Variants in C4orf51 observed in about 807,000 individuals in gnomAD.
C4orf51 encodes the protein uncharacterized protein C4orf51.
Under a neutral mutation model 25.2 loss-of-function variants are expected in C4orf51, and 25 were observed. The ratio of observed to expected loss-of-function variants is 0.99; its 90% CI spans 0.72 to 1.39. C4orf51 has a LOEUF of 1.39. Among genes scored for constraint, C4orf51 ranks in the 40% most tolerant of loss-of-function variants. The pLI, the probability that C4orf51 is intolerant of heterozygous loss-of-function variation, is 0.00. For synonymous variants in C4orf51, 100 were observed against 84.5 expected (o/e 1.18, Z -1.01); for missense variants, 252 against 239.6 (o/e 1.05, Z -0.34).
intron 1 of C4orf51, chr4:145,760,590 C>A (rs1364229964): frequency 1.6e-5 from 3 of 190,172 alleles, no homozygotes; most frequent in Non-Finnish European, 3.0e-5. Context: ...CAGGTCAATG[C>A]AATAGGTATA....
At chr4:145,702,079 A>G (rs903700586) in intron 2 of C4orf51, among the ~76,000 whole-genome samples, 3 of 152,066 alleles carry the variant, frequency 2.0e-5, no homozygotes, top group Non-Finnish European at 2.9e-5. Context: ...CAACGCCAAT[A>G]TCCCATCCCA....
chr4:145,681,097 A>G (rs1728811974), intron 1 of C4orf51, among the ~76,000 whole-genome samples: 3 of 152,204 alleles, frequency 2.0e-5, no homozygotes, highest in African/African-American at 7.2e-5. Context: ...GCATGGAGAA[A>G]GAACCATTTA....
intron 1 of C4orf51, among the ~76,000 whole-genome samples, chr4:145,693,889 C>G (rs1462280321): frequency 2.3e-5 from 3 of 132,000 alleles, no homozygotes; most frequent in African/African-American, 2.8e-5. Context: ...CGGGCGGAGA[C>G]GCTCCTCACT....
At chr4:145,741,306 G>C (rs1008076578) in intron 1 of C4orf51, among the ~76,000 whole-genome samples, 6 of 152,180 alleles carry the variant, frequency 3.9e-5, no homozygotes, top group Admixed American at 2.6e-4. Flanking sequence ...CAGCAGAGGG[G>C]TGAGGGGTAG....
intron 2 of C4orf51, among the ~76,000 whole-genome samples, chr4:145,701,085 CAG>C (rs1730407952): frequency 6.6e-6 from 1 of 152,144 alleles, no homozygotes; most frequent in Non-Finnish European, 1.5e-5. Flanking sequence ...AGACGCTTTA[CAG>C]CCCTAGACCC....
chr4:145,761,671 C>G lies in C4orf51; in HGVS notation n.167-9317C>G. ...GGCAGCCGCGCTTCTCGCCGCCTCA[C>G]CAGCCTTCCCTCACACCACCCCCCA... On this transcript the variant is annotated intron_variant and non_coding_transcript_variant, in intron 1 of 1. Transcript: ENST00000510096. The surrounding 1 kb of genome is among the most constrained non-coding windows in gnomAD (Gnocchi z 6.8). The G allele has an allele frequency of 1.1e-6, 1 of 949,636 alleles. No individual in the cohort carries two copies. The highest frequency in any genetic ancestry group is 1.7e-5 in the African/African-American group (1 of 58,650). The allele number at this position is 949,636 out of a possible 1,614,324, so 58.8% of individuals were successfully genotyped here. A position where few individuals can be genotyped will look rare whatever the true frequency, so the allele number is the denominator to read the frequency against.
At chr4:145,701,643 T>C (rs543550608) in intron 2 of C4orf51, among the ~76,000 whole-genome samples, 49 of 151,516 alleles carry the variant, frequency 3.2e-4, no homozygotes, top group African/African-American at 6.8e-4. Flanking sequence ...GGAAGGTAAG[T>C]CCGTCCCCTT....
chr4:145,765,707 A>G lies in C4orf51; in HGVS notation n.167-5281A>G. On this transcript the variant is annotated intron_variant and non_coding_transcript_variant, in intron 1 of 1. Coordinates refer to the C4orf51 transcript ENST00000510096. This position sits in a 1 kb window ranked among gnomAD's most constrained non-coding sequence, Gnocchi z 4.7. ...CTGAGAGGGAGGATGAAGAGGGGCT[A>G]TTTGATTCGCTGGGGGTCTTCCTGT... 16 of 1,614,114 alleles carry G rather than the reference A, an allele frequency of 9.9e-6. No individual in the cohort carries two copies. Among genetic ancestry groups the G allele is most frequent in the Non-Finnish European group, 1.4e-5 (16 of 1,180,002 alleles).
In C4orf51 at chr4:145,764,998, C is replaced by T. The variant is rs148875276; in HGVS notation, n.167-5990C>T. 4.2e-5 allele frequency: 68 copies of T among 1,612,406 alleles called. No individual in the cohort carries two copies. The highest frequency in any genetic ancestry group is 6.7e-5 in the Admixed American group (4 of 59,744). On this transcript the variant is annotated intron_variant and non_coding_transcript_variant, in intron 1 of 1. Coordinates refer to the C4orf51 transcript ENST00000510096. ...ACTTGCTTTCCTTACTTGAGCCCAC[C>T]GGTGGGGACAGTGTGGCATTTCTTA...
At position 145,763,166 on chromosome 4, in the gene C4orf51, A is replaced by G. The variant is rs1329689833; in HGVS notation, n.167-7822A>G. 2.0e-6 allele frequency: 3 copies of G among 1,529,554 alleles called. No individual in the cohort carries two copies. The highest frequency in any genetic ancestry group is 1.7e-4 in the Middle Eastern group (1 of 5,996). 94.7% of individuals were successfully genotyped at this position (1,529,554 alleles called of 1,614,324 possible). ...AATAGTATAATCTTATTTGATCTGC[A>G]TTATGAACAGGATATAGAGTACAAG... On this transcript the variant is annotated intron_variant and non_coding_transcript_variant, in intron 1 of 1. Coordinates refer to the C4orf51 transcript ENST00000510096. This position sits in a 1 kb window ranked among gnomAD's most constrained non-coding sequence, Gnocchi z 4.6.
chr4:145,762,542 G>A lies in C4orf51; in HGVS notation n.167-8446G>A, dbSNP rs1243614918. Among the ~76,000 whole-genome samples the A allele has an allele frequency of 1.3e-5, 2 of 152,128 alleles. No individual in the cohort carries two copies. Among genetic ancestry groups the A allele is most frequent in the African/African-American group, 4.8e-5 (2 of 41,424 alleles). On this transcript the variant is annotated intron_variant and non_coding_transcript_variant, in intron 1 of 1. Coordinates refer to the C4orf51 transcript ENST00000510096. The surrounding 1 kb of genome is among the most constrained non-coding windows in gnomAD (Gnocchi z 4.9). ...GACATACTGGTTCATTATTTGAGTG[G>A]TCTCTACAGGCAATTTAGGTAGATT...
At chr4:145,732,868 C>T (rs1192572995), downstream of C4orf51, 1 of 201,138 alleles carries the variant, frequency 5.0e-6, no homozygotes, top group East Asian at 1.2e-4. Flanking sequence ...GGGGCTCCGG[C>T]GTCACAGAGC....
At chr4:145,733,803 T>C (rs79115307), downstream of C4orf51, among the ~76,000 whole-genome samples, 4,193 of 152,262 alleles carry the variant, frequency 0.028, 166 homozygotes, top group African/African-American at 0.088. Flanking sequence ...GGCAGCCCTG[T>C]AGCCACTTAG....
intron 2 of C4orf51, among the ~76,000 whole-genome samples, chr4:145,722,140 TA>T (rs1731774943): frequency 6.6e-6 from 1 of 152,178 alleles, no homozygotes; most frequent in African/African-American, 2.4e-5. Context: ...AATAAAGAAT[TA>T]AAAATTCTTT....
intron 1 of C4orf51, among the ~76,000 whole-genome samples, chr4:145,690,804 A>AAT (rs1197791146): frequency 6.6e-6 from 1 of 152,156 alleles, no homozygotes. Context: ...CAAACCCATC[A>AAT]AAAAGTGCAC....
intron 2 of C4orf51, among the ~76,000 whole-genome samples, chr4:145,698,216 G>A (rs1730197915): frequency 6.6e-6 from 1 of 152,144 alleles, no homozygotes; most frequent in Non-Finnish European, 1.5e-5. Context: ...AAAAGTATCT[G>A]AGACAGGTCT....
At chr4:145,764,294 C>T (rs1734950915) in intron 1 of C4orf51, among the ~76,000 whole-genome samples, 1 of 152,168 alleles carries the variant, frequency 6.6e-6, no homozygotes, top group Non-Finnish European at 1.5e-5. Context: ...CTAGGACATA[C>T]ATTTCTTGAG....
downstream of C4orf51, among the ~76,000 whole-genome samples, chr4:145,735,056 A>G (rs1338810649): frequency 6.6e-6 from 1 of 152,236 alleles, no homozygotes; most frequent in Non-Finnish European, 1.5e-5. Flanking sequence ...GCTTTGGTGC[A>G]GTGAGGAGAT....
At chr4:145,706,039 G>A (rs1414139003) in intron 2 of C4orf51, among the ~76,000 whole-genome samples, 1 of 151,734 alleles carries the variant, frequency 6.6e-6, no homozygotes, top group Non-Finnish European at 1.5e-5. Context: ...GAGATCACTG[G>A]TTGGTTCACA....
Sources: gnomAD v4.1 joint callset for allele counts (sites outside exome capture counted in the v4.1 genomes callset) on GRCh38, gnomAD v4.1.1 for gene constraint, Gnocchi (gnomAD v3.1) non-coding constraint, MANE v1.5 for transcripts, NCBI Gene and HGNC (gene_info 2026-07-23, HGNC 2026-07-21) for gene names.